The following SHISA6 variants were observed in gnomAD, a reference collection of about 807,000 sequenced individuals.
SHISA6 encodes the protein protein shisa-6.
In SHISA6, 22 loss-of-function variants were observed where a neutral mutation model predicts 47.9. That is an observed-to-expected ratio of 0.46 (90% CI 0.33 to 0.66). The LOEUF is 0.66. Among genes scored for constraint, SHISA6 ranks in the 30% least tolerant of loss-of-function variants. The probability of loss-of-function intolerance (pLI) is 0.02; values close to 1 mark genes in which losing one functional copy is unlikely to be tolerated. For synonymous variants in SHISA6, 388 were observed against 337.8 expected, an observed-to-expected ratio of 1.15 and a Z score of -1.63; for missense variants, 680 against 764.6, an observed-to-expected ratio of 0.89 and a Z score of 1.30.
intron 2 of SHISA6, among the ~76,000 whole-genome samples, chr17:11,342,123 C>T (rs373743631): frequency 6.6e-6 from 1 of 152,098 alleles, no homozygotes; most frequent in African/African-American, 2.4e-5. Flanking sequence ...GGGGGAGAAG[C>T]CTCCGCCCAC....
chr17:11,431,286 C>T (rs1293378404), intron 3 of SHISA6, among the ~76,000 whole-genome samples: 1 of 152,146 alleles, frequency 6.6e-6, no homozygotes, highest in Non-Finnish European at 1.5e-5. Flanking sequence ...CCTTGGTAGA[C>T]AGCTGCACCC....
intron 2 of SHISA6, among the ~76,000 whole-genome samples, chr17:11,326,495 C>G (rs8078341): frequency 6.6e-6 from 1 of 152,174 alleles, no homozygotes; most frequent in Non-Finnish European, 1.5e-5. Context: ...GCAGTGAATT[C>G]TATGGTCTAT....
In SHISA6 at chr17:11,355,954, A is replaced by G. The variant is rs376773639; in HGVS notation, c.800-23460A>G. ...ATACAATAAACCATGTAGATCAAGG[A>G]CCAACATGGCGGATGAGACCAAAAT... On this transcript the variant is annotated intron_variant, in intron 2 of 5. Coordinates refer to ENST00000441885, the MANE Select transcript of SHISA6 (RefSeq NM_207386.4). Among the ~76,000 whole-genome samples the G allele has an allele frequency of 3.3e-5, 5 of 152,344 alleles. No individual in the cohort carries two copies. The South Asian group carries it at 8.3e-4, about 25-fold the overall frequency.
intron 4 of SHISA6, among the ~76,000 whole-genome samples, chr17:11,552,858 A>C (rs745449843): frequency 6.6e-6 from 1 of 152,204 alleles, no homozygotes; most frequent in Non-Finnish European, 1.5e-5. Flanking sequence ...TGTGGGGTCT[A>C]AAAAGTTAGA....
At chr17:11,400,053 CAG>C (rs1487822104) in intron 3 of SHISA6, among the ~76,000 whole-genome samples, 13 of 152,150 alleles carry the variant, frequency 8.5e-5, no homozygotes, top group African/African-American at 1.9e-4. Context: ...TTCTTTTCTA[CAG>C]AGTTTCCTTC....
chr17:11,482,205 T>A (rs9904383), intron 3 of SHISA6, among the ~76,000 whole-genome samples: 53,912 of 152,080 alleles, frequency 0.35, 9,988 homozygotes, highest in African/African-American at 0.46. Flanking sequence ...TAATTAAAAG[T>A]AACCAACACA....
chr17:11,479,005 G>C (rs1042476417), intron 3 of SHISA6, among the ~76,000 whole-genome samples: 2 of 152,034 alleles, frequency 1.3e-5, no homozygotes, highest in African/African-American at 4.8e-5. Flanking sequence ...AATCAATATC[G>C]TGAAAATGGC....
chr17:11,317,105 T>G (rs1389191772), intron 2 of SHISA6, among the ~76,000 whole-genome samples: 1 of 152,142 alleles, frequency 6.6e-6, no homozygotes, highest in African/African-American at 2.4e-5. Flanking sequence ...AAAATACATA[T>G]TTTATGTTTA....
At position 11,459,218 on chromosome 17, in the gene SHISA6, CAA is replaced by C. The variant is rs200165239; in HGVS notation, c.895+79726_895+79727del. ...CGGGCGACAGAGCGAGACTCCATCTCAAAAAAAAAAAAAAAAAAGACATTATG... is the reference window on the plus strand; with the variant it reads ...CGGGCGACAGAGCGAGACTCCATCTCAAAAAAAAAAAAAAAAGACATTATG... On this transcript the variant is annotated intron_variant, in intron 3 of 5. Coordinates refer to ENST00000441885, the MANE Select transcript of SHISA6 (RefSeq NM_207386.4). Among the ~76,000 whole-genome samples the C allele has an allele frequency of 7.6e-3, 689 of 90,668 alleles. 8 individuals are homozygous for C. The highest frequency in any genetic ancestry group is 0.022 in the African/African-American group (539 of 24,952). 59.5% of individuals were successfully genotyped at this position (90,668 alleles called of 152,430 possible). A position where few individuals can be genotyped will look rare whatever the true frequency, so the allele number is the denominator to read the frequency against.
At chr17:11,370,524 AAG>A (rs1912601601) in intron 2 of SHISA6, among the ~76,000 whole-genome samples, 1 of 152,184 alleles carries the variant, frequency 6.6e-6, no homozygotes, top group Admixed American at 6.5e-5. Context: ...GTTGAATCGA[AAG>A]AGGTTCGCTT....
intron 3 of SHISA6, among the ~76,000 whole-genome samples, chr17:11,484,996 C>T (rs1916311658): frequency 6.6e-6 from 1 of 152,142 alleles, no homozygotes; most frequent in South Asian, 2.1e-4. Context: ...AGTCTCAGCC[C>T]ATCAGGTAGC....
chr17:11,379,327 C>A, intron 2 of SHISA6, 87 bp from the exon 3 acceptor site: 1 of 897,310 alleles, frequency 1.1e-6, no homozygotes. Context: ...ACATGCACGC[C>A]ATCACTGTTG....
In SHISA6 at chr17:11,511,168, A is replaced by G. The variant is rs144730655; in HGVS notation, c.896-40728A>G. On this transcript the variant is annotated intron_variant, in intron 3 of 5. Transcript: ENST00000441885. ...GATGAAGCTGGAAGCCATCATTCTC[A>G]GCAAACTAACACAGGAACAGAAAAC... is the stretch of plus-strand genomic sequence containing the variant. 1.5e-3 allele frequency among the ~76,000 whole-genome samples: 221 copies of G among 152,304 alleles called. 1 individual carries two copies. The highest frequency in any genetic ancestry group is 2.7e-3 in the East Asian group (14 of 5,168).
At chr17:11,257,645 T>A (rs1908066995) in intron 1 of SHISA6, among the ~76,000 whole-genome samples, 1 of 137,326 alleles carries the variant, frequency 7.3e-6, no homozygotes, top group Admixed American at 8.1e-5. Context: ...TGGGCGACCG[T>A]GTGAGATCCT....
chr17:11,385,382 T>C (rs1341646491), intron 3 of SHISA6, among the ~76,000 whole-genome samples: 3 of 151,842 alleles, frequency 2.0e-5, no homozygotes, highest in Non-Finnish European at 4.4e-5. Context: ...GTGCAGGGAA[T>C]TGACCCCACA....
At chr17:11,405,240 G>A (rs188144114) in intron 3 of SHISA6, among the ~76,000 whole-genome samples, 1 of 152,174 alleles carries the variant, frequency 6.6e-6, no homozygotes, top group African/African-American at 2.4e-5. Context: ...ACCAGGGGAT[G>A]TTGTCAACAT....
chr17:11,287,503 T>A (rs1161797348), intron 2 of SHISA6, among the ~76,000 whole-genome samples: 1 of 150,614 alleles, frequency 6.6e-6, no homozygotes, highest in Non-Finnish European at 1.5e-5. Context: ...TTAGGCAAAA[T>A]GGTGAGACTC....
chr17:11,378,971 G>A (rs559723206), intron 2 of SHISA6, among the ~76,000 whole-genome samples: 6 of 152,004 alleles, frequency 3.9e-5, no homozygotes, highest in African/African-American at 1.2e-4. Flanking sequence ...ATAGACTAAG[G>A]TTCTGGTGTA....
intron 3 of SHISA6, among the ~76,000 whole-genome samples, chr17:11,413,542 C>A (rs1914197283): frequency 1.3e-5 from 2 of 152,160 alleles, no homozygotes; most frequent in South Asian, 4.1e-4. Flanking sequence ...CCACCATCTA[C>A]CTGAGGAGGC....
Sources: gnomAD v4.1 joint callset for allele counts (sites outside exome capture counted in the v4.1 genomes callset) on GRCh38, gnomAD v4.1.1 for gene constraint, MANE v1.5 for transcripts, NCBI Gene and HGNC (gene_info 2026-07-23, HGNC 2026-07-21) for gene names.